Variants in GLS2 observed in about 807,000 individuals in gnomAD.
The protein encoded by GLS2 is glutaminase 2, also known as glutaminase liver isoform, mitochondrial.
A neutral mutation model predicts 79.0 loss-of-function variants in GLS2; 52 were observed. The ratio of observed to expected loss-of-function variants is 0.66; its 90% CI spans 0.53 to 0.83. The LOEUF is 0.83. GLS2 is among the 40% of genes least tolerant of loss of function. GLS2 has a pLI of 0.00. For synonymous variants in GLS2, 238 were observed against 280.8 expected (o/e 0.85, Z 1.52); for missense variants, 561 against 764.8 (o/e 0.73, Z 3.14).
At chr12:56,481,381 T>C (rs1870283299) in intron 1 of GLS2, among the ~76,000 whole-genome samples, 1 of 151,388 alleles carries the variant, frequency 6.6e-6, no homozygotes. Flanking sequence ...AATTTTTTTG[T>C]ATTTTTAGTA....
intron 8 of GLS2, 24 bp from the exon 9 acceptor site, chr12:56,475,706 AG>A: frequency 6.2e-7 from 1 of 1,613,626 alleles, no homozygotes; most frequent in Non-Finnish European, 8.5e-7. Context: ...AGGGACATTG[AG>A]GCTCCACTTG....
intron 2 of GLS2, 21 bp from the exon 3 acceptor site, chr12:56,479,922 C>T (rs768782328): frequency 1.1e-5 from 18 of 1,609,310 alleles, no homozygotes; most frequent in South Asian, 5.5e-5. Flanking sequence ...AAGAAGAGGC[C>T]AGAAAGGTCA....
intron 3 of GLS2, 58 bp from the exon 4 acceptor site, chr12:56,479,239 T>C (rs1024699683): frequency 6.8e-5 from 108 of 1,589,756 alleles, no homozygotes; most frequent in Non-Finnish European, 8.5e-5. Context: ...GGACTCACTC[T>C]GGAGCCACGG....
chr12:56,487,874 C>A, intron 1 of GLS2, 63 bp downstream of exon 1: 2 of 1,531,084 alleles, frequency 1.3e-6, no homozygotes, highest in Non-Finnish European at 8.7e-7. Context: ...CACTCGGGAA[C>A]TAGCGAGAAC....
intron 14 of GLS2, chr12:56,472,992 C>T (rs527752633): frequency 6.7e-5 from 39 of 581,148 alleles, no homozygotes; most frequent in South Asian, 6.3e-4. Flanking sequence ...CGGTTTCAAG[C>T]GATTCTCCTG....
intron 1 of GLS2, among the ~76,000 whole-genome samples, chr12:56,482,218 G>A (rs1171655734): frequency 6.6e-6 from 1 of 151,984 alleles, no homozygotes; most frequent in Non-Finnish European, 1.5e-5. Context: ...GTGACAGAGT[G>A]AGACTTTGTT....
Position 56,478,232 on chromosome 12 carries a change from A to T in GLS2, c.565T>A (p.Ser189Thr), listed in dbSNP as rs1164406544. 3.1e-6 allele frequency: 5 copies of T among 1,614,078 alleles called. No individual in the cohort carries two copies. Among genetic ancestry groups the T allele is most frequent in the South Asian group, 1.1e-5 (1 of 91,088 alleles). Residue 189 changes from serine (S) to threonine (T), a missense_variant, in exon 5 of 18, where the codon TCA becomes ACA. By Grantham distance (58) the Ser-to-Thr change is moderately conservative. This residue lies in a region of GLS2 where 43 missense variants were observed against 92.8 expected (regional missense o/e 0.46). Transcript: ENST00000311966. Reference sequence around the variant, plus strand: ...GAGACACCCCACAGGTCTGGGTTTGACTTGGCCAGCTGAGGGATGTAGGCT... The same window carrying T: ...GAGACACCCCACAGGTCTGGGTTTGTCTTGGCCAGCTGAGGGATGTAGGCT... ...VAAYIPQLAK[S>T]NPDLWGVSLC...
At position 56,471,487 on chromosome 12, in the gene GLS2, T is replaced by C; in HGVS notation, c.1809A>G (p.Ter603TrpextTer19). The change falls in exon 18 of 18, where the codon TGA becomes TGG. Residue 603 changes from the stop codon to tryptophan, a stop_lost. Coordinates refer to ENST00000311966, the MANE Select transcript of GLS2 (RefSeq NM_013267.4). ...LSKENLESMV* is the reference protein window; with the variant it reads ...LSKENLESMVW Reference sequence around the variant, plus strand: ...AGCAGGGGCTGTCCATGACCTGTGCTCATACCATGCTTTCTAAGTTCTCTT... The same window carrying C: ...AGCAGGGGCTGTCCATGACCTGTGCCCATACCATGCTTTCTAAGTTCTCTT... 2 of 1,612,140 alleles carry C rather than the reference T, an allele frequency of 1.2e-6. No homozygotes were observed. The highest frequency in any genetic ancestry group is 1.7e-6 in the Non-Finnish European group (2 of 1,178,948).
intron 7 of GLS2, 127 bp downstream of exon 7, chr12:56,477,533 C>T (rs1003058209): frequency 3.4e-5 from 31 of 919,578 alleles, no homozygotes; most frequent in Non-Finnish European, 4.7e-5. Context: ...GCCTCATGTG[C>T]CTTCTGGGGA....
chr12:56,483,537 TATA>T (rs1419560786), intron 1 of GLS2, among the ~76,000 whole-genome samples: 1 of 152,184 alleles, frequency 6.6e-6, no homozygotes, highest in Non-Finnish European at 1.5e-5. Context: ...ATCTCTAAGA[TATA>T]ATATTAACTA....
chr12:56,479,247 C>T lies in GLS2; in HGVS notation c.405-66G>A, dbSNP rs527551042. The T allele has an allele frequency of 1.3e-4, 210 of 1,576,500 alleles. 1 individual carries two copies. In the African/African-American group the frequency reaches 2.4e-3, roughly 18 times the overall value. ...GCAGCTGGGACTCACTCTGGAGCCA[C>T]GGAAATTGGGAATAAAGAAGGTTGA... On this transcript the variant is annotated intron_variant, in intron 3 of 17. Coordinates refer to ENST00000311966, the MANE Select transcript of GLS2 (RefSeq NM_013267.4).
At position 56,475,053 on chromosome 12, in the gene GLS2, C is replaced by T. The variant is rs201001970; in HGVS notation, c.987G>A (p.Lys329=). 1.9e-6 allele frequency: 3 copies of T among 1,614,116 alleles called. No homozygotes were observed. In the East Asian group the frequency reaches 6.7e-5, roughly 36 times the overall value. Residue 329 remains lysine (K), a synonymous_variant, in exon 10 of 18, where the codon AAG becomes AAA. Coordinates refer to ENST00000311966, the MANE Select transcript of GLS2 (RefSeq NM_013267.4). ...GGCCTCTTCTGGTTACCTTCTTTTCCTTGAGATAATAGCCGATGGCATAAT... is the reference window on the plus strand; with the variant it reads ...GGCCTCTTCTGGTTACCTTCTTTTCTTTGAGATAATAGCCGATGGCATAAT... ...DRNYAIGYYL[K]EKKCFPKGVD...
At chr12:56,486,859 C>CA (rs1870729825) in intron 1 of GLS2, among the ~76,000 whole-genome samples, 1 of 151,952 alleles carries the variant, frequency 6.6e-6, no homozygotes, top group African/African-American at 2.4e-5. Flanking sequence ...GACTCCGTCT[C>CA]AAAAAAGAAA....
At chr12:56,471,958 C>G (rs1166298308) in intron 16 of GLS2, 122 bp from the exon 17 acceptor site, 12 of 1,278,522 alleles carry the variant, frequency 9.4e-6, no homozygotes, top group African/African-American at 1.5e-5. Context: ...ATTTTGTACC[C>G]TGCAGCACTC....
At position 56,475,052 on chromosome 12, in the gene GLS2, C is replaced by T. The variant is rs746359353; in HGVS notation, c.988G>A (p.Glu330Lys). ...CGGCCTCTTCTGGTTACCTTCTTTT[C>T]CTTGAGATAATAGCCGATGGCATAA... ...RNYAIGYYLK[E>K]KKCFPKGVDM... The change falls in exon 10 of 18, where the codon GAA (glutamate) becomes AAA (lysine). Residue 330 changes from glutamate (E) to lysine (K), a missense_variant. Glu to Lys is a moderately conservative substitution (Grantham distance 56). This residue lies in a region of GLS2 where 221 missense variants were observed against 275.6 expected (regional missense o/e 0.80). Coordinates refer to ENST00000311966, the MANE Select transcript of GLS2 (RefSeq NM_013267.4). 24 of 1,614,072 alleles carry T rather than the reference C, an allele frequency of 1.5e-5. No individual in the cohort carries two copies. The highest frequency in any genetic ancestry group is 1.1e-5 in the Non-Finnish European group (13 of 1,180,046).
chr12:56,486,456 G>A (rs1870693674), intron 1 of GLS2, among the ~76,000 whole-genome samples: 1 of 152,182 alleles, frequency 6.6e-6, no homozygotes, highest in African/African-American at 2.4e-5. Context: ...AGGAGGGAGA[G>A]GGCTTATCCT....
intron 1 of GLS2, among the ~76,000 whole-genome samples, chr12:56,486,127 C>T (rs1870667512): frequency 6.6e-6 from 1 of 151,484 alleles, no homozygotes; most frequent in Non-Finnish European, 1.5e-5. Context: ...CTCCCCCAAA[C>T]ACAGGAACCC....
chr12:56,475,775 G>C, intron 8 of GLS2, 93 bp from the exon 9 acceptor site: 1 of 1,449,186 alleles, frequency 6.9e-7, no homozygotes, highest in East Asian at 2.3e-5. Context: ...CTCAGGTCTT[G>C]TCAAGAGGCT....
At chr12:56,477,527 CAT>C (rs1869927542) in intron 7 of GLS2, 131 bp downstream of exon 7, 1 of 838,780 alleles carries the variant, frequency 1.2e-6, no homozygotes, top group African/African-American at 1.7e-5. Flanking sequence ...TGCTGTGCCT[CAT>C]GTGCCTTCTG....
Sources: allele counts gnomAD v4.1 joint callset (sites outside exome capture counted in the v4.1 genomes callset), GRCh38; gene constraint gnomAD v4.1.1; regional missense constraint gnomAD v4.1.1; transcripts MANE v1.5; gene names NCBI Gene and HGNC (gene_info 2026-07-23, HGNC 2026-07-21).